GABBR2: variants seen among roughly 807,000 people sequenced by gnomAD.
The protein encoded by GABBR2 is gamma-aminobutyric acid type B receptor subunit 2.
GABBR2 carries 23 observed loss-of-function variants against 105.6 expected under a neutral mutation model. That is an observed-to-expected ratio of 0.22 (90% CI 0.16 to 0.31). The LOEUF is 0.31. Among genes scored for constraint, GABBR2 ranks in the 10% least tolerant of loss-of-function variants. GABBR2 has a pLI of 1.00. For missense variants in GABBR2, 734 were observed against 1,245.5 expected, an observed-to-expected ratio of 0.59 and a Z score of 6.18; for synonymous variants, 478 against 499.7, an observed-to-expected ratio of 0.96 and a Z score of 0.58.
chr9:98,401,674 C>G (rs908021136), intron 8 of GABBR2, among the ~76,000 whole-genome samples: 1 of 152,120 alleles, frequency 6.6e-6, no homozygotes, highest in Non-Finnish European at 1.5e-5. Context: ...CTTGGTGAAG[C>G]GAGCTACAAT....
intron 1 of GABBR2, among the ~76,000 whole-genome samples, chr9:98,672,351 C>T (rs764790077): frequency 3.3e-5 from 5 of 152,198 alleles, no homozygotes; most frequent in Non-Finnish European, 7.3e-5. Flanking sequence ...GCATGATATC[C>T]TCAAGGTTCA....
chr9:98,350,843 C>T (rs937021618), intron 13 of GABBR2, among the ~76,000 whole-genome samples: 11 of 152,142 alleles, frequency 7.2e-5, no homozygotes, highest in African/African-American at 2.7e-4. Context: ...GGGGTGTTAA[C>T]ATCTCCAACT....
chr9:98,311,242 A>T, intron 13 of GABBR2, 37 bp from the exon 14 acceptor site: 4 of 1,309,202 alleles, frequency 3.1e-6, no homozygotes, highest in Non-Finnish European at 4.4e-6. Context: ...GGGATGGCAC[A>T]GGACACTCTT....
chr9:98,583,271 T>A (rs1829027899), intron 1 of GABBR2, among the ~76,000 whole-genome samples: 1 of 152,272 alleles, frequency 6.6e-6, no homozygotes, highest in Non-Finnish European at 1.5e-5. Flanking sequence ...TCTTCTTACC[T>A]GACATGATTC....
intron 2 of GABBR2, among the ~76,000 whole-genome samples, chr9:98,555,339 C>T (rs944686): frequency 0.24 from 37,203 of 152,144 alleles, 5,577 homozygotes; most frequent in East Asian, 0.48. Flanking sequence ...GGACATCATT[C>T]TAAAGCAGGA....
At chr9:98,570,310 A>T (rs1828812281) in intron 2 of GABBR2, among the ~76,000 whole-genome samples, 1 of 152,206 alleles carries the variant, frequency 6.6e-6, no homozygotes, top group Non-Finnish European at 1.5e-5. Flanking sequence ...CAATTTAATA[A>T]TCTGCCACGG....
intron 7 of GABBR2, among the ~76,000 whole-genome samples, chr9:98,448,874 T>A (rs1826182428): frequency 6.6e-6 from 1 of 151,626 alleles, no homozygotes; most frequent in African/African-American, 2.4e-5. Context: ...CCTTGAGATC[T>A]GGGAGGTCAC....
intron 6 of GABBR2, 89 bp downstream of exon 6, chr9:98,473,057 C>T (rs1826716518): frequency 1.1e-6 from 1 of 946,132 alleles, no homozygotes; most frequent in Non-Finnish European, 1.7e-6. Flanking sequence ...TGACACAGGA[C>T]AATAAATGTG....
intron 2 of GABBR2, among the ~76,000 whole-genome samples, chr9:98,543,801 T>C (rs1828351914): frequency 1.3e-5 from 2 of 152,198 alleles, no homozygotes; most frequent in African/African-American, 4.8e-5. Context: ...CTTTATGATA[T>C]AAGTTGCTAA....
intron 11 of GABBR2, 21 bp from the exon 12 acceptor site, chr9:98,371,592 GA>G: frequency 7.3e-7 from 1 of 1,371,316 alleles, no homozygotes; most frequent in Non-Finnish European, 1.0e-6. Flanking sequence ...TGAGAAAACA[GA>G]GGCATTGACC....
At chr9:98,382,512 G>T (rs1490946885) in intron 11 of GABBR2, among the ~76,000 whole-genome samples, 1 of 152,094 alleles carries the variant, frequency 6.6e-6, no homozygotes, top group Non-Finnish European at 1.5e-5. Context: ...GATGGGGTTT[G>T]CCATGTTGGC....
intron 13 of GABBR2, among the ~76,000 whole-genome samples, chr9:98,323,495 G>A (rs1280549933): frequency 6.6e-6 from 1 of 152,208 alleles, no homozygotes; most frequent in Non-Finnish European, 1.5e-5. Flanking sequence ...TCTTGCCCTG[G>A]GCCAGACTCC....
chr9:98,404,585 C>T lies in GABBR2; in HGVS notation c.1297+1496G>A, dbSNP rs925024055. On this transcript the variant is annotated intron_variant, in intron 8 of 18. Transcript: ENST00000259455. ...AGAAACACTCGGCTGCTCAAGAACA[C>T]TGTATTGATGAGAGGTTCATCTAGT... Among the ~76,000 whole-genome samples the T allele has an allele frequency of 2.6e-5, 4 of 152,264 alleles. No homozygotes were observed. The South Asian group carries it at 6.2e-4, about 24-fold the overall frequency.
intron 14 of GABBR2, among the ~76,000 whole-genome samples, chr9:98,310,655 C>G (rs1830621798): frequency 1.3e-5 from 2 of 152,292 alleles, no homozygotes; most frequent in African/African-American, 4.8e-5. Flanking sequence ...GAGGCTTACC[C>G]TCCTCATCTA....
In GABBR2 at chr9:98,619,614, C is replaced by T. The variant is rs564285101; in HGVS notation, c.322-41542G>A. Among the ~76,000 whole-genome samples, 37 of 152,180 alleles carry T rather than the reference C, an allele frequency of 2.4e-4. No individual in the cohort carries two copies. The Middle Eastern group carries it at 0.014, about 56-fold the overall frequency. On this transcript the variant is annotated intron_variant, in intron 1 of 18. Transcript: ENST00000259455. ...TAAAGTGCCTTTTTAAATTGGTGCT[C>T]CTGTGGTGTCAAATGTCAACATTTA...
At chr9:98,603,898 C>A (rs1297569496) in intron 1 of GABBR2, among the ~76,000 whole-genome samples, 1 of 152,188 alleles carries the variant, frequency 6.6e-6, no homozygotes, top group Non-Finnish European at 1.5e-5. Context: ...ACCCCAAGAA[C>A]CTTCCTACCA....
chr9:98,695,533 A>T (rs1298002415), intron 1 of GABBR2, among the ~76,000 whole-genome samples: 2 of 152,170 alleles, frequency 1.3e-5, no homozygotes, highest in Non-Finnish European at 2.9e-5. Flanking sequence ...CAACTTCTTC[A>T]TTGGCCTCAA....
intron 6 of GABBR2, among the ~76,000 whole-genome samples, chr9:98,464,636 A>G (rs1483104079): frequency 6.6e-6 from 1 of 152,174 alleles, no homozygotes; most frequent in Non-Finnish European, 1.5e-5. Flanking sequence ...GCGACCATCG[A>G]GAATGGGCCA....
chr9:98,427,335 C>G (rs1013927675), intron 7 of GABBR2, among the ~76,000 whole-genome samples: 1 of 152,204 alleles, frequency 6.6e-6, no homozygotes, highest in Non-Finnish European at 1.5e-5. Flanking sequence ...TCTAAGCCCT[C>G]TGGTCAACTT....
Sources: gnomAD v4.1 joint callset for allele counts (sites outside exome capture counted in the v4.1 genomes callset) on GRCh38, gnomAD v4.1.1 for gene constraint, MANE v1.5 for transcripts, NCBI Gene and HGNC (gene_info 2026-07-23, HGNC 2026-07-21) for gene names.